The following TLE1 variants were observed in gnomAD, a reference collection of about 807,000 sequenced individuals.
TLE1 encodes TLE family member 1, transcriptional corepressor, also known as transducin-like enhancer protein 1.
In TLE1, 21 loss-of-function variants were observed where a neutral mutation model predicts 89.8. That is an observed-to-expected ratio of 0.23 (90% CI 0.17 to 0.34). The LOEUF (loss-of-function observed/expected upper bound fraction) is 0.34. TLE1 is among the 10% of genes least tolerant of loss of function. The probability of loss-of-function intolerance (pLI) is 1.00; values close to 1 mark genes in which losing one functional copy is unlikely to be tolerated. For missense variants in TLE1, 795 were observed against 1,031.2 expected (o/e 0.77, Z 3.14); for synonymous variants, 447 against 407.6 (o/e 1.10, Z -1.16).
intron 11 of TLE1, 21 bp downstream of exon 11, chr9:81,615,961 G>A (rs1404471815): frequency 6.2e-7 from 1 of 1,612,620 alleles, no homozygotes; most frequent in East Asian, 2.2e-5. Flanking sequence ...AAACAGGCAA[G>A]TGTCAGTTTT....
intron 14 of TLE1, 64 bp from the exon 15 acceptor site, chr9:81,593,338 C>T (rs1432286601): frequency 4.6e-6 from 7 of 1,515,958 alleles, no homozygotes; most frequent in Admixed American, 2.0e-5. Context: ...ATCCCTATCT[C>T]GGCAATGTGC....
rs780134069 is a variant in TLE1 at position 81,584,312 on chromosome 9, G to A, written c.2206-7C>T. ...CTGACGAGGACTCTTTGGACTGGAAGAGAAAACAATGGACATGTGTTTAAT... is the reference window on the plus strand; with the variant it reads ...CTGACGAGGACTCTTTGGACTGGAAAAGAAAACAATGGACATGTGTTTAAT... On this transcript the variant is annotated splice_region_variant and splice_polypyrimidine_tract_variant and intron_variant, in intron 19 of 19. Transcript: ENST00000376499. The A allele has an allele frequency of 5.0e-6, 8 of 1,613,646 alleles. No individual in the cohort carries two copies. Among genetic ancestry groups the A allele is most frequent in the African/African-American group, 1.3e-5 (1 of 75,028 alleles).
At chr9:81,638,743 G>A (rs1827722667) in intron 6 of TLE1, among the ~76,000 whole-genome samples, 1 of 151,988 alleles carries the variant, frequency 6.6e-6, no homozygotes, top group African/African-American at 2.4e-5. Flanking sequence ...TCCTGCCTCA[G>A]CCACCCAAAT....
intron 4 of TLE1, among the ~76,000 whole-genome samples, chr9:81,672,632 C>T (rs1262128052): frequency 6.6e-6 from 1 of 152,086 alleles, no homozygotes; most frequent in African/African-American, 2.4e-5. Flanking sequence ...AAACTACATG[C>T]ACACACTCCC....
intron 4 of TLE1, among the ~76,000 whole-genome samples, chr9:81,677,531 C>A (rs1395248263): frequency 6.7e-6 from 1 of 149,868 alleles, no homozygotes; most frequent in Non-Finnish European, 1.5e-5. Context: ...TGCCACTGCA[C>A]CCCAGCCTGG....
intron 8 of TLE1, among the ~76,000 whole-genome samples, chr9:81,632,393 GA>G (rs1414632730): frequency 6.6e-6 from 1 of 151,130 alleles, no homozygotes; most frequent in African/African-American, 2.4e-5. Flanking sequence ...CTACACAGAA[GA>G]GGGGGGAAAA....
chr9:81,648,014 G>A (rs139361380), intron 6 of TLE1, among the ~76,000 whole-genome samples: 1 of 152,244 alleles, frequency 6.6e-6, no homozygotes, highest in East Asian at 1.9e-4. Flanking sequence ...GCTTACACCT[G>A]TAATCCCAAC....
At chr9:81,610,737 T>C (rs10867779) in intron 13 of TLE1, among the ~76,000 whole-genome samples, 85,950 of 146,336 alleles carry the variant, frequency 0.59, 26,266 homozygotes, top group East Asian at 0.91. Context: ...GAGGAATCCA[T>C]ACCTGCCCCC....
chr9:81,587,353 G>C (rs891659079), intron 17 of TLE1, among the ~76,000 whole-genome samples: 2 of 152,154 alleles, frequency 1.3e-5, no homozygotes, highest in African/African-American at 4.8e-5. Context: ...TAGATGGTGA[G>C]AATATGTGCC....
At chr9:81,600,101 G>C in intron 14 of TLE1, 1 of 745,708 alleles carries the variant, frequency 1.3e-6, no homozygotes. Flanking sequence ...AATGTGCTGG[G>C]GCAGGAACAA....
chr9:81,632,471 ATCCCTTTTTTTTTTT>A (rs77496252), intron 8 of TLE1, among the ~76,000 whole-genome samples: 2 of 133,714 alleles, frequency 1.5e-5, no homozygotes, highest in Non-Finnish European at 1.6e-5. Context: ...AATGTTCAGT[ATCCCTTTTTTTTTTT>A]TTTTTTTTTT....
At chr9:81,675,708 G>GTTTTTTTTTTTTTTTTTTTTTTTTT (rs61458315) in intron 4 of TLE1, among the ~76,000 whole-genome samples, 14 of 132,440 alleles carry the variant, frequency 1.1e-4, no homozygotes, top group African/African-American at 3.9e-4. Context: ...GTTTTTTTTT[G>GTTTTTTTTTTTTTTTTTTTTTTTTT]TTTTTTTTTT....
chr9:81,627,747 G>C (rs2132274244), intron 8 of TLE1, among the ~76,000 whole-genome samples: 1 of 152,236 alleles, frequency 6.6e-6, no homozygotes, highest in Admixed American at 6.5e-5. Flanking sequence ...GGCAAAAACA[G>C]TACCTCCTAG....
Position 81,688,242 on chromosome 9 carries a change from G to A in TLE1, c.-2C>T. The stretch of plus-strand genomic sequence containing the variant: ...CGGGTGCCGGCTCTGCGGGAACATC[G>A]CTCTGGCGGCGGCCGGGGCTCTGTT... On this transcript the variant is annotated 5_prime_UTR_variant, in exon 1 of 20. Coordinates refer to ENST00000376499, the MANE Select transcript of TLE1 (RefSeq NM_005077.5). 3 of 1,586,980 alleles carry A rather than the reference G, an allele frequency of 1.9e-6. No homozygotes were observed. Among genetic ancestry groups the A allele is most frequent in the Non-Finnish European group, 2.6e-6 (3 of 1,167,710 alleles).
chr9:81,673,312 CTT>C (rs1306087468), intron 4 of TLE1, among the ~76,000 whole-genome samples: 1 of 139,036 alleles, frequency 7.2e-6, no homozygotes, highest in Non-Finnish European at 1.6e-5. Flanking sequence ...CCAACAAGTC[CTT>C]TTTTTTTTTT....
intron 14 of TLE1, among the ~76,000 whole-genome samples, chr9:81,603,591 TC>T (rs1273717837): frequency 6.6e-6 from 1 of 152,200 alleles, no homozygotes; most frequent in Non-Finnish European, 1.5e-5. Flanking sequence ...AACCTTTGTC[TC>T]CCACAAGTTT....
At chr9:81,677,665 C>A (rs183821924) in intron 4 of TLE1, among the ~76,000 whole-genome samples, 2 of 151,868 alleles carry the variant, frequency 1.3e-5, no homozygotes. Flanking sequence ...AGACTAGTAA[C>A]CTACTTAGAT....
At chr9:81,675,324 G>A (rs983589307) in intron 4 of TLE1, among the ~76,000 whole-genome samples, 3 of 143,256 alleles carry the variant, frequency 2.1e-5, no homozygotes, top group Non-Finnish European at 3.1e-5. Context: ...ACTATGTAAA[G>A]ACTAAGTAAA....
intron 4 of TLE1, among the ~76,000 whole-genome samples, chr9:81,679,110 T>C (rs1833274203): frequency 6.6e-6 from 1 of 152,174 alleles, no homozygotes; most frequent in African/African-American, 2.4e-5. Context: ...ATTGCGCTAC[T>C]ATACTCCAGT....
Sources: allele counts gnomAD v4.1 joint callset (sites outside exome capture counted in the v4.1 genomes callset), GRCh38; gene constraint gnomAD v4.1.1; transcripts MANE v1.5; gene names NCBI Gene and HGNC (gene_info 2026-07-23, HGNC 2026-07-21).